The following ARHGEF3 variants were observed in gnomAD, a reference collection of about 807,000 sequenced individuals.
ARHGEF3 encodes the protein 59.8 kDA protein.
Under a neutral mutation model 63.2 loss-of-function variants are expected in ARHGEF3, and 28 were observed. That is an observed-to-expected ratio of 0.44 (90% confidence interval 0.33 to 0.61). ARHGEF3 has a LOEUF of 0.61. Among genes scored for constraint, ARHGEF3 ranks in the 20% least tolerant of loss-of-function variants. The pLI is 0.03. For synonymous variants in ARHGEF3, 266 were observed against 254.2 expected (o/e 1.05, Z -0.44); for missense variants, 533 against 659.3 (o/e 0.81, Z 2.10).
intron 1 of ARHGEF3, among the ~76,000 whole-genome samples, chr3:57,038,856 A>G (rs1411229445): frequency 6.6e-6 from 1 of 152,234 alleles, no homozygotes; most frequent in East Asian, 1.9e-4. Context: ...AGGGCCCTGC[A>G]GAAAAGCCAG....
intron 2 of ARHGEF3, among the ~76,000 whole-genome samples, chr3:57,010,601 G>A (rs1461615788): frequency 1.3e-5 from 2 of 152,092 alleles, no homozygotes; most frequent in East Asian, 1.9e-4. Flanking sequence ...GAGGATTTAT[G>A]CATTTTGAAG....
chr3:56,824,014 G>A (rs2108048882), intron 4 of ARHGEF3, among the ~76,000 whole-genome samples: 1 of 149,436 alleles, frequency 6.7e-6, no homozygotes, highest in Non-Finnish European at 1.5e-5. Flanking sequence ...AACAGAACGA[G>A]CCAGATGGAC....
chr3:57,014,339 A>G lies in ARHGEF3; in HGVS notation c.62+20749T>C, dbSNP rs76268709. Among the ~76,000 whole-genome samples the G allele has an allele frequency of 2.3e-3, 347 of 152,302 alleles. 2 individuals are homozygous for G. The highest frequency in any genetic ancestry group is 6.8e-3 in the Middle Eastern group (2 of 294). Reference sequence around the variant, plus strand: ...CAAGAACACACCGATTCTGGACACAATAGTGCACAGCCTTAACCACTACAG... The same window carrying G: ...CAAGAACACACCGATTCTGGACACAGTAGTGCACAGCCTTAACCACTACAG... On this transcript the variant is annotated intron_variant, in intron 2 of 12. Transcript: ENST00000338458.
At chr3:56,967,931 TATAAA>T (rs1700656998) in intron 2 of ARHGEF3, among the ~76,000 whole-genome samples, 1 of 70,128 alleles carries the variant, frequency 1.4e-5, no homozygotes, top group Non-Finnish European at 2.4e-5. Context: ...TTATATATAA[TATAAA>T]ATATATTATA....
rs573361249 is a variant in ARHGEF3, at chr3:56,975,322, G to A, written c.63-16433C>T. On this transcript the variant is annotated intron_variant, in intron 2 of 12. Coordinates refer to the ARHGEF3 transcript ENST00000338458. ...AGTCCCAGCTACTCGGGAGGCTGAG[G>A]CAGGGGAATCGCTTGAACCCAGGAG... Among the ~76,000 whole-genome samples, 4 of 152,208 alleles carry A rather than the reference G, an allele frequency of 2.6e-5. No homozygotes were observed. In the South Asian group the frequency reaches 6.2e-4, roughly 24 times the overall value.
chr3:56,996,869 A>G (rs1277459978), intron 2 of ARHGEF3, among the ~76,000 whole-genome samples: 2 of 61,340 alleles, frequency 3.3e-5, no homozygotes, highest in South Asian at 5.8e-4. Context: ...TTCTTAAAAC[A>G]TTATTATTAT....
chr3:57,014,723 C>T (rs1417239720), intron 2 of ARHGEF3, among the ~76,000 whole-genome samples: 3 of 151,546 alleles, frequency 2.0e-5, no homozygotes, highest in Non-Finnish European at 4.4e-5. Flanking sequence ...CTGTGTCACC[C>T]AGGCTGGAGT....
chr3:57,003,144 G>A (rs984317004), intron 2 of ARHGEF3, among the ~76,000 whole-genome samples: 1 of 151,314 alleles, frequency 6.6e-6, no homozygotes, highest in African/African-American at 2.4e-5. Flanking sequence ...AGTGGCTCAC[G>A]CTTATAATCC....
intron 2 of ARHGEF3, among the ~76,000 whole-genome samples, chr3:56,971,314 A>C (rs546802227): frequency 6.6e-6 from 1 of 152,250 alleles, no homozygotes; most frequent in Admixed American, 6.5e-5. Context: ...CAAGCCTGAC[A>C]TGGGGCTGTG....
chr3:56,850,437 G>A (rs895776715), intron 4 of ARHGEF3, among the ~76,000 whole-genome samples: 19 of 152,220 alleles, frequency 1.2e-4, no homozygotes, highest in African/African-American at 4.6e-4. Flanking sequence ...GCTGAGGCAG[G>A]AGAGTCACTT....
At chr3:56,825,682 T>C (rs1247118701) in intron 4 of ARHGEF3, among the ~76,000 whole-genome samples, 1 of 152,234 alleles carries the variant, frequency 6.6e-6, no homozygotes, top group African/African-American at 2.4e-5. Flanking sequence ...AGAGTCCATC[T>C]ACTCTATTCA....
intron 4 of ARHGEF3, among the ~76,000 whole-genome samples, chr3:56,847,435 C>T (rs1215768188): frequency 6.6e-6 from 1 of 152,184 alleles, no homozygotes; most frequent in Non-Finnish European, 1.5e-5. Flanking sequence ...GTGGAAGCAG[C>T]AAGCTGGAGG....
rs182887727 is a variant in ARHGEF3 at position 56,865,536 on chromosome 3, C to A, written c.192+16756G>T. Among the ~76,000 whole-genome samples the A allele has an allele frequency of 9.5e-4, 145 of 152,248 alleles. 1 individual carries two copies. Among genetic ancestry groups the A allele is most frequent in the Non-Finnish European group, 1.7e-3 (114 of 68,028 alleles). On this transcript the variant is annotated intron_variant, in intron 4 of 12. Transcript: ENST00000338458. Reference sequence around the variant, plus strand: ...CAAATTTGTGAAAACTCACTGTATCCAAACCATGTTAAAAAATATGTTTTT... The same window carrying A: ...CAAATTTGTGAAAACTCACTGTATCAAAACCATGTTAAAAAATATGTTTTT...
chr3:56,836,793 GGTGCATGCCTGTA>G (rs1316103648), intron 4 of ARHGEF3, among the ~76,000 whole-genome samples: 1 of 152,136 alleles, frequency 6.6e-6, no homozygotes, highest in Non-Finnish European at 1.5e-5. Context: ...TGGGTATGGT[GGTGCATGCCTGTA>G]GTCTCAGCTA....
intron 2 of ARHGEF3, among the ~76,000 whole-genome samples, chr3:57,017,629 G>A (rs1357067885): frequency 2.6e-5 from 4 of 152,188 alleles, no homozygotes; most frequent in African/African-American, 4.8e-5. Flanking sequence ...CCAGCTCCAC[G>A]TCTGCAAGGA....
chr3:56,997,128 GC>G (rs1463738416), intron 2 of ARHGEF3, among the ~76,000 whole-genome samples: 1 of 151,884 alleles, frequency 6.6e-6, no homozygotes, highest in African/African-American at 2.4e-5. Flanking sequence ...AGAAGCACTT[GC>G]CACCAAACAG....
At chr3:56,759,667 G>T (rs1421015504) in intron 2 of ARHGEF3, among the ~76,000 whole-genome samples, 1 of 152,086 alleles carries the variant, frequency 6.6e-6, no homozygotes, top group Non-Finnish European at 1.5e-5. Flanking sequence ...GAGTAGCTGA[G>T]ATTATAGATG....
At chr3:56,825,843 G>A (rs2038695316) in intron 4 of ARHGEF3, among the ~76,000 whole-genome samples, 1 of 152,090 alleles carries the variant, frequency 6.6e-6, no homozygotes. Flanking sequence ...ACTTTCTTTA[G>A]GGAAACTGCC....
At chr3:56,855,140 T>G (rs2039823180) in intron 4 of ARHGEF3, among the ~76,000 whole-genome samples, 2 of 148,848 alleles carry the variant, frequency 1.3e-5, no homozygotes, top group African/African-American at 2.5e-5. Context: ...CAGGCTGAGG[T>G]GGGTGGAGAG....
Sources: allele counts gnomAD v4.1 joint callset (sites outside exome capture counted in the v4.1 genomes callset), GRCh38; gene constraint gnomAD v4.1.1; transcripts MANE v1.5; gene names NCBI Gene and HGNC (gene_info 2026-07-23, HGNC 2026-07-21).